The following ZFP2 variants were observed in gnomAD, a reference collection of about 807,000 sequenced individuals.
ZFP2 encodes the protein zinc finger protein ZFP2.
A neutral mutation model predicts 36.1 loss-of-function variants in ZFP2; 33 were observed. That is an observed-to-expected ratio of 0.92 (90% CI 0.69 to 1.22). ZFP2 has a LOEUF of 1.22. Ranked by LOEUF, ZFP2 falls within the 50% of genes most tolerant of loss-of-function variation. ZFP2 has a pLI of 0.00. For missense variants in ZFP2, 522 were observed against 551.4 expected (o/e 0.95, Z 0.53); for synonymous variants, 170 against 178.0 (o/e 0.96, Z 0.36).
intron 1 of ZFP2, 130 bp from the exon 2 acceptor site, chr5:178,912,454 G>A (rs1246783171): frequency 1.3e-5 from 2 of 156,908 alleles, no homozygotes; most frequent in Non-Finnish European, 2.8e-5. Context: ...CGTGATTGGT[G>A]GCAGACATTT....
intron 1 of ZFP2, among the ~76,000 whole-genome samples, chr5:178,901,477 C>T (rs1212879856): frequency 6.6e-6 from 1 of 152,196 alleles, no homozygotes; most frequent in African/African-American, 2.4e-5. Flanking sequence ...CTTTACTCTT[C>T]CTAGCTTCTA....
At chr5:178,926,283 T>C (rs1039134585) in intron 4 of ZFP2, among the ~76,000 whole-genome samples, 2 of 152,230 alleles carry the variant, frequency 1.3e-5, no homozygotes, top group African/African-American at 4.8e-5. Context: ...ATTTATTTCC[T>C]GAACTTCTTC....
At chr5:178,927,955 A>C (rs1235935880) in intron 4 of ZFP2, among the ~76,000 whole-genome samples, 1 of 151,602 alleles carries the variant, frequency 6.6e-6, no homozygotes, top group African/African-American at 2.4e-5. Context: ...GTCATAGTGG[A>C]GGGCAAAAGG....
chr5:178,899,833 A>G (rs1758018864), intron 1 of ZFP2, among the ~76,000 whole-genome samples: 1 of 152,022 alleles, frequency 6.6e-6, no homozygotes, highest in South Asian at 2.1e-4. Context: ...CTGAAGACTT[A>G]ACGGCATTTT....
chr5:178,927,800 G>A (rs1458993950), intron 4 of ZFP2, among the ~76,000 whole-genome samples: 1 of 151,468 alleles, frequency 6.6e-6, no homozygotes, highest in Non-Finnish European at 1.5e-5. Flanking sequence ...GCCTCCCAAA[G>A]CGCTGGGATT....
At chr5:178,922,562 T>C (rs1758579014) in intron 4 of ZFP2, 1 of 1,491,854 alleles carries the variant, frequency 6.7e-7, no homozygotes, top group African/African-American at 1.4e-5. Flanking sequence ...TGTAGGAGCA[T>C]GGCTTGGAGC....
chr5:178,896,391 G>T (rs1198441665), intron 1 of ZFP2, among the ~76,000 whole-genome samples: 3 of 152,194 alleles, frequency 2.0e-5, no homozygotes, highest in African/African-American at 4.8e-5. Context: ...TTTGTCCCGG[G>T]ACACGCTGCG....
intron 1 of ZFP2, among the ~76,000 whole-genome samples, 195 bp downstream of exon 1, chr5:178,896,169 TC>T (rs1476799784): frequency 6.6e-6 from 1 of 152,178 alleles, no homozygotes; most frequent in Non-Finnish European, 1.5e-5. Context: ...CGCTCCCTCT[TC>T]CCCAGGAGCT....
At chr5:178,926,469 A>T (rs1758671990) in intron 4 of ZFP2, among the ~76,000 whole-genome samples, 1 of 151,928 alleles carries the variant, frequency 6.6e-6, no homozygotes, top group African/African-American at 2.4e-5. Context: ...TGACCCCTGT[A>T]CAGAGGTGAG....
intron 4 of ZFP2, chr5:178,922,179 C>T: frequency 9.1e-7 from 1 of 1,104,868 alleles, no homozygotes; most frequent in Non-Finnish European, 1.4e-6. Context: ...ATATTGGAAA[C>T]ACACTTGACA....
At chr5:178,927,686 T>C (rs1049681868) in intron 4 of ZFP2, among the ~76,000 whole-genome samples, 2 of 150,130 alleles carry the variant, frequency 1.3e-5, no homozygotes, top group Non-Finnish European at 3.0e-5. Context: ...TGTGTGTGTG[T>C]GTGTGTGTGT....
chr5:178,904,858 AC>A (rs1259270198), intron 1 of ZFP2, among the ~76,000 whole-genome samples: 4 of 151,628 alleles, frequency 2.6e-5, no homozygotes, highest in African/African-American at 9.7e-5. Flanking sequence ...ACGTGCCACC[AC>A]GCCTGGCTAA....
Position 178,932,162 on chromosome 5 carries a change from AACTCTTACCCT to A in ZFP2, c.852_862del (p.Leu285SerfsTer13). On this transcript the variant is annotated frameshift_variant, in exon 5 of 5. Transcript: ENST00000361362. LOFTEE classifies it high-confidence loss of function. The stretch of plus-strand genomic sequence containing the variant: ...GTGGAAAAGCCTTTAGTAAGAGCTC[AACTCTTACCCT>A]ACATCAGCGAAATCACACTGGAGAA... The A allele has an allele frequency of 6.2e-7, 1 of 1,613,466 alleles. No homozygotes were observed. The highest frequency in any genetic ancestry group is 8.5e-7 in the Non-Finnish European group (1 of 1,179,524).
chr5:178,905,008 G>A (rs1758140014), intron 1 of ZFP2, among the ~76,000 whole-genome samples: 1 of 151,906 alleles, frequency 6.6e-6, no homozygotes, highest in South Asian at 2.1e-4. Context: ...GCCCATTTTG[G>A]TATTTCGTAA....
intron 3 of ZFP2, among the ~76,000 whole-genome samples, chr5:178,914,636 G>A (rs1164774633): frequency 6.6e-6 from 1 of 152,006 alleles, no homozygotes; most frequent in Non-Finnish European, 1.5e-5. Flanking sequence ...TTCTAATGGG[G>A]AGACAATAAA....
At position 178,910,191 on chromosome 5, in the gene ZFP2, G is replaced by C. The variant is rs923271884; in HGVS notation, c.-449-2393G>C. 22 of 1,566,352 alleles carry C rather than the reference G, an allele frequency of 1.4e-5. No individual in the cohort carries two copies. The Middle Eastern group carries it at 5.0e-4, about 36-fold the overall frequency. On this transcript the variant is annotated intron_variant, in intron 1 of 4. Coordinates refer to ENST00000361362, the MANE Select transcript of ZFP2 (RefSeq NM_030613.4). ...TTTGCAGCCATCAAAAATCTTTCTGGTGAATTTGCACATGGTTGCAGCCTG... is the reference window on the plus strand; with the variant it reads ...TTTGCAGCCATCAAAAATCTTTCTGCTGAATTTGCACATGGTTGCAGCCTG...
intron 1 of ZFP2, among the ~76,000 whole-genome samples, chr5:178,900,394 C>T (rs1453477878): frequency 9.0e-6 from 1 of 111,258 alleles, no homozygotes; most frequent in Non-Finnish European, 1.9e-5. Context: ...CCACCCCAGC[C>T]AGCCAGTGTC....
intron 1 of ZFP2, among the ~76,000 whole-genome samples, chr5:178,906,056 T>C (rs1405114912): frequency 6.6e-6 from 1 of 152,138 alleles, no homozygotes; most frequent in Non-Finnish European, 1.5e-5. Flanking sequence ...TGTCTGGCCA[T>C]GTTCACCTTT....
intron 1 of ZFP2, among the ~76,000 whole-genome samples, chr5:178,900,895 A>G (rs1045423748): frequency 2.0e-5 from 3 of 152,070 alleles, no homozygotes; most frequent in Non-Finnish European, 2.9e-5. Context: ...TCCCTACAGT[A>G]TTGCCCTTTG....
Sources: gnomAD v4.1 joint callset for allele counts (sites outside exome capture counted in the v4.1 genomes callset) on GRCh38, gnomAD v4.1.1 for gene constraint, MANE v1.5 for transcripts, NCBI Gene and HGNC (gene_info 2026-07-23, HGNC 2026-07-21) for gene names.